The following FTO variants were observed in gnomAD, a reference collection of about 807,000 sequenced individuals.
FTO encodes alpha-ketoglutarate-dependent dioxygenase FTO.
Under a neutral mutation model 63.9 loss-of-function variants are expected in FTO, and 47 were observed. The observed-to-expected ratio is 0.74, with a 90% CI of 0.58 to 0.94. The LOEUF (loss-of-function observed/expected upper bound fraction) is 0.94. Ranked by LOEUF, FTO falls within the 40% of genes least tolerant of loss-of-function variation. FTO has a pLI of 0.00. For missense variants in FTO, 562 were observed against 618.1 expected, an observed-to-expected ratio of 0.91 and a Z score of 0.96; for synonymous variants, 207 against 224.4, an observed-to-expected ratio of 0.92 and a Z score of 0.69.
chr16:53,716,843 G>A (rs2075904923), intron 1 of FTO, among the ~76,000 whole-genome samples: 1 of 150,628 alleles, frequency 6.6e-6, no homozygotes, highest in Admixed American at 6.6e-5. Context: ...GATAAATACT[G>A]TTACTTTATA....
intron 1 of FTO, among the ~76,000 whole-genome samples, chr16:53,723,297 T>G (rs2076082913): frequency 6.6e-6 from 1 of 152,226 alleles, no homozygotes; most frequent in African/African-American, 2.4e-5. Context: ...CTCTTTATGC[T>G]CCCATTGGAT....
At chr16:54,101,241 C>T (rs754994473) in intron 8 of FTO, among the ~76,000 whole-genome samples, 23 of 151,978 alleles carry the variant, frequency 1.5e-4, no homozygotes, top group Non-Finnish European at 2.6e-4. Flanking sequence ...TTATTAAGCC[C>T]AGTACCCAAT....
In FTO at chr16:54,121,496, A is replaced by G. The variant is rs1196123461; in HGVS notation, c.*9581A>G. ...TGAAAGGACCAGGGAAAGCCTTCCCACGGGGATGGAGAGCCACCTCCTCCC... is the reference window on the plus strand; with the variant it reads ...TGAAAGGACCAGGGAAAGCCTTCCCGCGGGGATGGAGAGCCACCTCCTCCC... On this transcript the variant is annotated 3_prime_UTR_variant, in exon 9 of 9. Transcript: ENST00000471389. 2.0e-5 allele frequency: 3 copies of G among 152,184 alleles called. No homozygotes were observed. Among genetic ancestry groups the G allele is most frequent in the African/African-American group, 7.2e-5 (3 of 41,430 alleles). 9.4% of individuals were successfully genotyped at this position (152,184 alleles called of 1,614,324 possible).
intron 8 of FTO, among the ~76,000 whole-genome samples, chr16:53,946,440 C>G (rs1350969645): frequency 2.6e-5 from 4 of 152,128 alleles, no homozygotes; most frequent in Admixed American, 2.6e-4. Context: ...TTTAATAAAC[C>G]TTTAGGTTTA....
intron 1 of FTO, among the ~76,000 whole-genome samples, chr16:53,806,070 C>T (rs1367645795): frequency 1.3e-5 from 2 of 152,156 alleles, no homozygotes; most frequent in Non-Finnish European, 2.9e-5. Context: ...TGCTCCAGAG[C>T]GCATTTTAAT....
intron 7 of FTO, among the ~76,000 whole-genome samples, chr16:53,891,618 G>A (rs780290733): frequency 2.0e-4 from 31 of 152,100 alleles, no homozygotes; most frequent in Non-Finnish European, 3.4e-4. Flanking sequence ...CTGTGATCGC[G>A]TTACTGCACT....
intron 8 of FTO, among the ~76,000 whole-genome samples, chr16:54,013,985 C>T (rs1343082396): frequency 5.9e-5 from 9 of 152,120 alleles, no homozygotes; most frequent in African/African-American, 2.2e-4. Context: ...TGTAGAGGAA[C>T]TCTGGTGACT....
intron 7 of FTO, among the ~76,000 whole-genome samples, chr16:53,916,900 T>C (rs920931923): frequency 3.9e-5 from 6 of 152,216 alleles, no homozygotes; most frequent in Non-Finnish European, 1.5e-5. Flanking sequence ...TGGTTGTCTT[T>C]CTGAGTTTAA....
At chr16:53,730,930 A>G (rs2076257073) in intron 1 of FTO, among the ~76,000 whole-genome samples, 1 of 152,182 alleles carries the variant, frequency 6.6e-6, no homozygotes, top group African/African-American at 2.4e-5. Flanking sequence ...TGCTGTGTTG[A>G]GTCAGTGGGT....
intron 1 of FTO, among the ~76,000 whole-genome samples, chr16:53,716,708 A>C (rs2075902054): frequency 1.3e-5 from 2 of 152,034 alleles, no homozygotes; most frequent in Admixed American, 6.6e-5. Flanking sequence ...GGTATGTGAG[A>C]TAGAGAAGCA....
chr16:54,008,392 C>T (rs2084259851), intron 8 of FTO: 1 of 142,208 alleles, frequency 7.0e-6, no homozygotes, highest in Non-Finnish European at 1.5e-5. Flanking sequence ...GTGTATGTTA[C>T]CTCACAATTT....
intron 7 of FTO, among the ~76,000 whole-genome samples, chr16:53,915,953 C>T (rs1018082422): frequency 1.3e-5 from 2 of 152,150 alleles, no homozygotes; most frequent in African/African-American, 2.4e-5. Flanking sequence ...TCATGCCAAC[C>T]GCAGCAGTAG....
At chr16:53,733,458 G>A (rs1567938927) in intron 1 of FTO, among the ~76,000 whole-genome samples, 1 of 152,112 alleles carries the variant, frequency 6.6e-6, no homozygotes, top group Non-Finnish European at 1.5e-5. Flanking sequence ...AGGGCGACCT[G>A]TACAGTTGAT....
At chr16:53,984,531 G>A (rs1193082478) in intron 8 of FTO, among the ~76,000 whole-genome samples, 2 of 151,782 alleles carry the variant, frequency 1.3e-5, no homozygotes, top group Admixed American at 6.6e-5. Context: ...ATGTTGCCTA[G>A]CCTGGTCTCA....
chr16:53,973,597 C>G (rs2083377223), intron 8 of FTO, among the ~76,000 whole-genome samples: 1 of 152,120 alleles, frequency 6.6e-6, no homozygotes, highest in African/African-American at 2.4e-5. Context: ...GCCTCTGGTT[C>G]TGCCTCTCCC....
intron 8 of FTO, among the ~76,000 whole-genome samples, chr16:54,015,999 A>G (rs968122921): frequency 1.3e-5 from 2 of 152,180 alleles, no homozygotes; most frequent in African/African-American, 4.8e-5. Flanking sequence ...AGTAATGGCT[A>G]TTGAACACTT....
intron 3 of FTO, among the ~76,000 whole-genome samples, chr16:53,839,284 A>G (rs1303206965): frequency 1.3e-5 from 2 of 152,132 alleles, no homozygotes; most frequent in Non-Finnish European, 2.9e-5. Context: ...AATCTTTTCA[A>G]TTTTATTGAG....
chr16:53,956,022 G>C (rs977514824), intron 8 of FTO, among the ~76,000 whole-genome samples: 3 of 151,952 alleles, frequency 2.0e-5, no homozygotes, highest in African/African-American at 2.4e-5. Context: ...AATCTATTTT[G>C]CACCTCCTAT....
chr16:53,740,389 T>C (rs891792405), intron 1 of FTO, among the ~76,000 whole-genome samples: 4 of 152,224 alleles, frequency 2.6e-5, no homozygotes, highest in Non-Finnish European at 2.9e-5. Context: ...ATTAGAATTT[T>C]CTAACTTGTA....
Sources: allele counts gnomAD v4.1 joint callset (sites outside exome capture counted in the v4.1 genomes callset), GRCh38; gene constraint gnomAD v4.1.1; transcripts MANE v1.5; gene names NCBI Gene and HGNC (gene_info 2026-07-23, HGNC 2026-07-21).